Variants in DRC8 observed in about 807,000 individuals in gnomAD.
DRC8 encodes dynein regulatory complex subunit 8, also known as dynein regulatory complex protein 8.
At chr1:245,087,095 T>G in the DRC8 span, 3 of 1,141,024 alleles carry the variant, frequency 2.6e-6, no homozygotes, top group Non-Finnish European at 3.7e-6. Flanking sequence ...ACCTCTGGAC[T>G]GTCGTGATGT....
the DRC8 span, chr1:244,970,425 G>T: frequency 1.3e-6 from 2 of 1,537,782 alleles, no homozygotes; most frequent in Non-Finnish European, 1.7e-6. Context: ...CAAGATGGCG[G>T]ACGAGAAGGA....
chr1:245,058,077 A>C, the DRC8 span, among the ~76,000 whole-genome samples: 1 of 151,908 alleles, frequency 6.6e-6, no homozygotes, highest in African/African-American at 2.4e-5. Context: ...CTGCAATAAG[A>C]GTGAGAATGT....
the DRC8 span, among the ~76,000 whole-genome samples, chr1:245,107,921 G>A: frequency 6.6e-5 from 10 of 152,114 alleles, no homozygotes; most frequent in African/African-American, 1.4e-4. Context: ...GAAGCTCCGC[G>A]TCCTCCTGGA....
At chr1:245,016,463 T>G in the DRC8 span, among the ~76,000 whole-genome samples, 394 of 152,306 alleles carry the variant, frequency 2.6e-3, 7 homozygotes, top group Middle Eastern at 0.017. Context: ...AAGACCACCG[T>G]ATCAACCCAT....
the DRC8 span, chr1:245,083,809 G>A: frequency 2.1e-6 from 3 of 1,397,568 alleles, no homozygotes; most frequent in African/African-American, 1.5e-5. Flanking sequence ...GTTATTTACT[G>A]TTCCTGCTAT....
the DRC8 span, among the ~76,000 whole-genome samples, chr1:245,065,465 T>C: frequency 6.6e-6 from 1 of 152,242 alleles, no homozygotes; most frequent in African/African-American, 2.4e-5. Flanking sequence ...CTGTTGTGTT[T>C]TAAATTTCCA....
chr1:245,076,143 G>C, the DRC8 span, among the ~76,000 whole-genome samples: 1 of 152,196 alleles, frequency 6.6e-6, no homozygotes, highest in Non-Finnish European at 1.5e-5. Context: ...CTGTGGGTCG[G>C]GGAGGATGTG....
chr1:245,066,146 T>C, the DRC8 span, among the ~76,000 whole-genome samples: 1 of 152,180 alleles, frequency 6.6e-6, no homozygotes, highest in African/African-American at 2.4e-5. Context: ...TTATATTTTT[T>C]CCTATTCTTC....
the DRC8 span, among the ~76,000 whole-genome samples, chr1:245,114,405 C>T: frequency 4.0e-5 from 6 of 151,710 alleles, no homozygotes; most frequent in African/African-American, 1.5e-4. Context: ...GCAGAGGTTG[C>T]AGTGAGCTGA....
At chr1:245,078,220 C>A in the DRC8 span, among the ~76,000 whole-genome samples, 2 of 151,906 alleles carry the variant, frequency 1.3e-5, no homozygotes. Context: ...GAAAAAGGAA[C>A]CTGTTGGTGG....
chr1:245,031,885 C>T, the DRC8 span, among the ~76,000 whole-genome samples: 19 of 152,126 alleles, frequency 1.2e-4, no homozygotes, highest in Non-Finnish European at 4.4e-5. Flanking sequence ...CCTTCCTCCC[C>T]GAATCCCAAG....
chr1:245,023,002 A>G, the DRC8 span: 1 of 152,270 alleles, frequency 6.6e-6, no homozygotes, highest in Middle Eastern at 3.4e-3. Context: ...AGAGTACAAT[A>G]TTTGTCCTTC....
At chr1:244,970,222 G>A in the DRC8 span, 2 of 762,996 alleles carry the variant, frequency 2.6e-6, no homozygotes, top group Non-Finnish European at 4.6e-6. Flanking sequence ...CCCAGCGCGA[G>A]GGTCGTGGCG....
the DRC8 span, among the ~76,000 whole-genome samples, chr1:245,034,030 T>G: frequency 2.0e-5 from 3 of 152,146 alleles, no homozygotes; most frequent in African/African-American, 7.2e-5. Flanking sequence ...ATCTTTTGTT[T>G]TCATCCAACA....
At chr1:245,079,969 A>T in the DRC8 span, among the ~76,000 whole-genome samples, 1 of 152,126 alleles carries the variant, frequency 6.6e-6, no homozygotes, top group Non-Finnish European at 1.5e-5. Flanking sequence ...TCATGAATGG[A>T]TGGGCTCAGA....
chr1:245,026,249 C>T, the DRC8 span, among the ~76,000 whole-genome samples: 4 of 152,284 alleles, frequency 2.6e-5, no homozygotes, highest in Non-Finnish European at 4.4e-5. Context: ...ACTTCAGCTT[C>T]GTTAGCAATT....
chr1:245,055,786 G>A, the DRC8 span, among the ~76,000 whole-genome samples: 1 of 152,206 alleles, frequency 6.6e-6, no homozygotes, highest in African/African-American at 2.4e-5. Flanking sequence ...TCTTCTTGCC[G>A]CTCGCTGCCT....
the DRC8 span, among the ~76,000 whole-genome samples, chr1:245,078,306 C>A: frequency 6.6e-6 from 1 of 152,152 alleles, no homozygotes; most frequent in Non-Finnish European, 1.5e-5. Flanking sequence ...ATTACCATAT[C>A]ATCCAACAAT....
At chr1:245,040,353 T>C in the DRC8 span, among the ~76,000 whole-genome samples, 1 of 152,172 alleles carries the variant, frequency 6.6e-6, no homozygotes, top group East Asian at 1.9e-4. Flanking sequence ...TGAGTCTTTT[T>C]CTCTGCCACT....
Sources: allele counts gnomAD v4.1 joint callset (sites outside exome capture counted in the v4.1 genomes callset), GRCh38; gene constraint gnomAD v4.1.1; transcripts MANE v1.5; gene names NCBI Gene and HGNC (gene_info 2026-07-23, HGNC 2026-07-21).